Variants in TENM4 observed in about 807,000 individuals in gnomAD.
TENM4 encodes the protein teneurin-4.
A neutral mutation model predicts 243.3 loss-of-function variants in TENM4; 82 were observed. The observed-to-expected ratio is 0.34, with a 90% CI of 0.28 to 0.40. The LOEUF is 0.40. TENM4 is among the 10% of genes least tolerant of loss of function. TENM4 has a pLI of 1.00. For synonymous variants in TENM4, 1,412 were observed against 1,456.3 expected, an observed-to-expected ratio of 0.97 and a Z score of 0.69; for missense variants, 3,138 against 3,673.3, an observed-to-expected ratio of 0.85 and a Z score of 3.77.
At chr11:79,259,215 G>A (rs947836695) in intron 2 of TENM4, among the ~76,000 whole-genome samples, 1 of 152,052 alleles carries the variant, frequency 6.6e-6, no homozygotes, top group Non-Finnish European at 1.5e-5. Context: ...CTTGGTCAAG[G>A]ATCAAATAAG....
At chr11:79,150,638 T>C (rs1179081645) in intron 3 of TENM4, among the ~76,000 whole-genome samples, 1 of 152,144 alleles carries the variant, frequency 6.6e-6, no homozygotes, top group Non-Finnish European at 1.5e-5. Context: ...TTCTTCTCAA[T>C]CTGCAGTGGC....
At chr11:78,913,625 G>A (rs938366133) in intron 6 of TENM4, among the ~76,000 whole-genome samples, 1 of 147,832 alleles carries the variant, frequency 6.8e-6, no homozygotes, top group Admixed American at 6.8e-5. Context: ...GTGTGTGTGT[G>A]TGTGAGTGTC....
chr11:79,388,731 C>A (rs1164936654), intron 1 of TENM4, among the ~76,000 whole-genome samples: 1 of 152,220 alleles, frequency 6.6e-6, no homozygotes, highest in Non-Finnish European at 1.5e-5. Context: ...TCATGGAGCT[C>A]ACAGTCATGG....
chr11:79,039,189 C>T (rs1565177887), intron 6 of TENM4, among the ~76,000 whole-genome samples: 1 of 152,050 alleles, frequency 6.6e-6, no homozygotes, highest in Admixed American at 6.6e-5. Context: ...GGTGAAGAAA[C>T]AACCCTTAAG....
At chr11:79,263,115 C>T (rs1288623956) in intron 2 of TENM4, among the ~76,000 whole-genome samples, 1 of 152,226 alleles carries the variant, frequency 6.6e-6, no homozygotes, top group East Asian at 1.9e-4. Flanking sequence ...TGCTATCTAT[C>T]AGGAACCCAA....
intron 4 of TENM4, among the ~76,000 whole-genome samples, chr11:79,071,846 G>T (rs1466923168): frequency 2.0e-5 from 3 of 152,138 alleles, no homozygotes; most frequent in South Asian, 4.2e-4. Flanking sequence ...TGGTGAGTTA[G>T]TTGCAAAGCT....
At chr11:79,182,439 C>T (rs1204799254) in intron 3 of TENM4, among the ~76,000 whole-genome samples, 1 of 152,078 alleles carries the variant, frequency 6.6e-6, no homozygotes, top group East Asian at 1.9e-4. Context: ...CAAGAATTAA[C>T]TCGAAATGTA....
chr11:79,303,963 G>A (rs576460674), intron 1 of TENM4, among the ~76,000 whole-genome samples: 1 of 152,304 alleles, frequency 6.6e-6, no homozygotes, highest in African/African-American at 2.4e-5. Flanking sequence ...AACCAGGGCA[G>A]AAGCCCAGTT....
intron 1 of TENM4, among the ~76,000 whole-genome samples, chr11:79,310,737 C>G (rs555850848): frequency 7.2e-5 from 11 of 152,270 alleles, no homozygotes; most frequent in Non-Finnish European, 1.3e-4. Context: ...TTTCCCCATC[C>G]CCTTCACTCT....
intron 6 of TENM4, among the ~76,000 whole-genome samples, chr11:78,939,087 A>G (rs145679909): frequency 8.7e-4 from 133 of 152,310 alleles, no homozygotes; most frequent in African/African-American, 3.0e-3. Flanking sequence ...GTGACTTTCT[A>G]CAAGCAGATA....
At chr11:79,415,765 A>G (rs191968567) in intron 1 of TENM4, among the ~76,000 whole-genome samples, 100 of 152,358 alleles carry the variant, frequency 6.6e-4, no homozygotes, top group African/African-American at 2.3e-3. Context: ...TAAACTGTAC[A>G]TGTTTAAATT....
At chr11:79,323,882 T>TAA (rs1856931832) in intron 1 of TENM4, among the ~76,000 whole-genome samples, 2 of 149,908 alleles carry the variant, frequency 1.3e-5, no homozygotes, top group African/African-American at 4.9e-5. Flanking sequence ...TCCATCCCTA[T>TAA]ACACACACAC....
At position 79,165,800 on chromosome 11, in the gene TENM4, T is replaced by C. The variant is rs111659083; in HGVS notation, c.-162-16994A>G. On this transcript the variant is annotated intron_variant, in intron 3 of 33. Coordinates refer to ENST00000278550, the MANE Select transcript of TENM4 (RefSeq NM_001098816.3). The stretch of plus-strand genomic sequence containing the variant: ...TTAGGCTGAAGTCTTTGATCTATCT[T>C]GTGTTGATTTTTGTATAAGGTGAGA... Among the ~76,000 whole-genome samples the C allele has an allele frequency of 5.5e-3, 837 of 152,320 alleles. 12 individuals carry two copies. The highest frequency in any genetic ancestry group is 0.019 in the African/African-American group (775 of 41,568).
intron 1 of TENM4, among the ~76,000 whole-genome samples, chr11:79,352,816 C>A (rs1486435848): frequency 6.6e-6 from 1 of 152,126 alleles, no homozygotes; most frequent in African/African-American, 2.4e-5. Flanking sequence ...CAAAAAGAGA[C>A]GCAACAAATT....
intron 28 of TENM4, among the ~76,000 whole-genome samples, chr11:78,698,380 C>A (rs1859016804): frequency 1.3e-5 from 2 of 149,224 alleles, no homozygotes; most frequent in African/African-American, 5.0e-5. Flanking sequence ...GAGCGAGACT[C>A]CATTTCAAAA....
At chr11:78,794,557 A>G (rs909017337) in intron 15 of TENM4, among the ~76,000 whole-genome samples, 2 of 152,228 alleles carry the variant, frequency 1.3e-5, no homozygotes, top group African/African-American at 4.8e-5. Context: ...GCTAAAGATC[A>G]GGAGCATGAT....
intron 17 of TENM4, among the ~76,000 whole-genome samples, chr11:78,776,095 C>T (rs1016893526): frequency 1.5e-4 from 23 of 152,134 alleles, no homozygotes; most frequent in Admixed American, 1.4e-3. Context: ...AAGCCATCAT[C>T]ATCTCTTACC....
In TENM4 at chr11:78,669,253, C is replaced by A; in HGVS notation, c.7092G>T (p.Gly2364=). The change falls in exon 32 of 34, where the codon GGG becomes GGT. Residue 2364 remains glycine, a synonymous_variant. Coordinates refer to ENST00000278550, the MANE Select transcript of TENM4 (RefSeq NM_001098816.3). This position sits in a 1 kb window ranked among gnomAD's most constrained non-coding sequence, Gnocchi z 6.4. ...DEFYIACDNI[G]TPLAVFSGTG... ...TTCCACTAAAGACAGCAAGAGGGGTCCCGATGTTGTCACAAGCTATGTAAA... is the reference window on the plus strand; with the variant it reads ...TTCCACTAAAGACAGCAAGAGGGGTACCGATGTTGTCACAAGCTATGTAAA... The A allele has an allele frequency of 6.2e-7, 1 of 1,613,966 alleles. No individual in the cohort carries two copies. Among genetic ancestry groups the A allele is most frequent in the East Asian group, 2.2e-5 (1 of 44,888 alleles).
intron 12 of TENM4, 148 bp from the exon 13 acceptor site, chr11:78,814,543 A>G: frequency 1.5e-6 from 1 of 672,328 alleles, no homozygotes. Context: ...TTAAAATTCT[A>G]TGTTATTTTT....
Sources: allele counts gnomAD v4.1 joint callset (sites outside exome capture counted in the v4.1 genomes callset), GRCh38; gene constraint gnomAD v4.1.1; non-coding constraint Gnocchi (gnomAD v3.1); transcripts MANE v1.5; gene names NCBI Gene and HGNC (gene_info 2026-07-23, HGNC 2026-07-21).